The following FOXP1 variants were observed in gnomAD, a reference collection of about 807,000 sequenced individuals.
The protein encoded by FOXP1 is forkhead box P1.
FOXP1 carries 15 observed loss-of-function variants against 98.2 expected under a neutral mutation model. That is an observed-to-expected ratio of 0.15 (90% CI 0.10 to 0.24). The LOEUF is 0.24. Ranked by LOEUF, FOXP1 falls within the 10% of genes least tolerant of loss-of-function variation. The probability of loss-of-function intolerance (pLI) is 1.00; values close to 1 mark genes in which losing one functional copy is unlikely to be tolerated. For synonymous variants in FOXP1, 371 were observed against 314.5 expected, an observed-to-expected ratio of 1.18 and a Z score of -1.90; for missense variants, 633 against 848.5, an observed-to-expected ratio of 0.75 and a Z score of 3.15.
chr3:71,246,286 T>C (rs2067743753), intron 5 of FOXP1, among the ~76,000 whole-genome samples: 1 of 152,102 alleles, frequency 6.6e-6, no homozygotes, highest in South Asian at 2.1e-4. Flanking sequence ...ACAGGGACAG[T>C]GATGCTGCCT....
chr3:71,004,110 T>A (rs2042462158), intron 12 of FOXP1, among the ~76,000 whole-genome samples: 1 of 151,854 alleles, frequency 6.6e-6, no homozygotes, highest in African/African-American at 2.4e-5. Context: ...TTCAGAAAAT[T>A]AAAGCAAAAC....
chr3:71,567,669 C>G (rs1412381647), intron 2 of FOXP1, among the ~76,000 whole-genome samples: 3 of 152,142 alleles, frequency 2.0e-5, no homozygotes, highest in African/African-American at 7.2e-5. Flanking sequence ...TTGGGTCAAC[C>G]ACATCTCTAC....
chr3:70,982,604 T>A lies in FOXP1; in HGVS notation c.1147-4575A>T, dbSNP rs1575851956. On this transcript the variant is annotated intron_variant, in intron 14 of 20. Coordinates refer to ENST00000649528, the MANE Select transcript of FOXP1 (RefSeq NM_001349338.3). ...AAAATTGCTGTAGGGTTTTATTTTT[T>A]AAATTTATTTGTACTCTCAGGCATC... Among the ~76,000 whole-genome samples the A allele has an allele frequency of 2.6e-5, 4 of 152,334 alleles. No individual in the cohort carries two copies. The South Asian group carries it at 8.3e-4, about 32-fold the overall frequency.
chr3:71,382,220 A>G (rs2080237472), intron 3 of FOXP1, among the ~76,000 whole-genome samples: 1 of 152,106 alleles, frequency 6.6e-6, no homozygotes, highest in Non-Finnish European at 1.5e-5. Flanking sequence ...GGCAGCACTG[A>G]GCCATGATGG....
intron 5 of FOXP1, among the ~76,000 whole-genome samples, chr3:71,253,743 A>C (rs1310340508): frequency 6.6e-5 from 10 of 152,216 alleles, no homozygotes; most frequent in Non-Finnish European, 1.5e-5. Context: ...TACAAAGACA[A>C]AGAAAGCTTC....
At chr3:71,340,106 T>G (rs185541904) in intron 4 of FOXP1, among the ~76,000 whole-genome samples, 3 of 152,342 alleles carry the variant, frequency 2.0e-5, no homozygotes, top group Admixed American at 1.3e-4. Context: ...TACCTGTGTG[T>G]GTGCATGGGT....
At chr3:71,056,023 C>T (rs2050585280) in intron 7 of FOXP1, among the ~76,000 whole-genome samples, 2 of 152,038 alleles carry the variant, frequency 1.3e-5, no homozygotes, top group South Asian at 2.1e-4. Flanking sequence ...GCTATAGAAA[C>T]CTTATACTAG....
chr3:71,323,228 G>A (rs2075498714), intron 4 of FOXP1, among the ~76,000 whole-genome samples: 1 of 151,978 alleles, frequency 6.6e-6, no homozygotes, highest in South Asian at 2.1e-4. Context: ...CTCGGCCTTG[G>A]TACATTTTAA....
At chr3:71,373,415 T>G (rs758069133) in intron 3 of FOXP1, among the ~76,000 whole-genome samples, 2 of 152,200 alleles carry the variant, frequency 1.3e-5, no homozygotes, top group Non-Finnish European at 2.9e-5. Context: ...TGACATGAGT[T>G]GTACCTGGCA....
chr3:71,349,922 C>T (rs2077669011), intron 4 of FOXP1, among the ~76,000 whole-genome samples: 2 of 152,108 alleles, frequency 1.3e-5, no homozygotes, highest in South Asian at 4.1e-4. Context: ...TATTCCTTTG[C>T]CCCTAAGAAT....
intron 7 of FOXP1, among the ~76,000 whole-genome samples, chr3:71,055,595 G>A (rs1208165216): frequency 6.6e-6 from 1 of 152,168 alleles, no homozygotes; most frequent in Non-Finnish European, 1.5e-5. Flanking sequence ...GCAAACACCA[G>A]GAAGACATTA....
intron 6 of FOXP1, among the ~76,000 whole-genome samples, chr3:71,162,200 T>C (rs1223240218): frequency 6.6e-6 from 1 of 152,240 alleles, no homozygotes; most frequent in Non-Finnish European, 1.5e-5. Flanking sequence ...GTAGCTCCTC[T>C]GAATTAGAAA....
intron 7 of FOXP1, among the ~76,000 whole-genome samples, chr3:71,055,418 T>C (rs1375354639): frequency 1.3e-5 from 2 of 152,198 alleles, no homozygotes; most frequent in Non-Finnish European, 2.9e-5. Context: ...GCCTTTTAAG[T>C]GTAGATGTAG....
intron 5 of FOXP1, among the ~76,000 whole-genome samples, chr3:71,272,076 A>T (rs2070419027): frequency 6.6e-6 from 1 of 152,234 alleles, no homozygotes. Flanking sequence ...GAGTCTTAAT[A>T]GACAGGTTCT....
chr3:71,216,879 T>A (rs1453872387), intron 5 of FOXP1, among the ~76,000 whole-genome samples: 1 of 152,222 alleles, frequency 6.6e-6, no homozygotes, highest in South Asian at 2.1e-4. Context: ...CCATTTTGGT[T>A]GTCACACCTG....
At chr3:71,071,957 T>C (rs975563021) in intron 7 of FOXP1, among the ~76,000 whole-genome samples, 1 of 152,182 alleles carries the variant, frequency 6.6e-6, no homozygotes, top group African/African-American at 2.4e-5. Context: ...ATGTACCAAG[T>C]GCACATTTTA....
chr3:71,503,231 T>C lies in FOXP1; in HGVS notation c.-297-9676A>G, dbSNP rs1256111408. On this transcript the variant is annotated intron_variant, in intron 2 of 20. Transcript: ENST00000649528. ...CAAATCTGTTTTCTAGAGAGTTCTCTTGGTCTCCATGTTCCAACTAGAAAC... is the reference window on the plus strand; with the variant it reads ...CAAATCTGTTTTCTAGAGAGTTCTCCTGGTCTCCATGTTCCAACTAGAAAC... Among the ~76,000 whole-genome samples, 4 of 152,180 alleles carry C rather than the reference T, an allele frequency of 2.6e-5. No homozygotes were observed. In the East Asian group the frequency reaches 7.7e-4, roughly 29 times the overall value.
At chr3:71,395,288 G>A (rs2081305195) in intron 3 of FOXP1, among the ~76,000 whole-genome samples, 1 of 150,138 alleles carries the variant, frequency 6.7e-6, no homozygotes, top group Non-Finnish European at 1.5e-5. Flanking sequence ...TTGCGACCCT[G>A]GTTTCCAAAG....
chr3:71,182,243 C>T (rs1381269133), intron 6 of FOXP1, among the ~76,000 whole-genome samples: 3 of 151,902 alleles, frequency 2.0e-5, no homozygotes, highest in Admixed American at 6.6e-5. Flanking sequence ...TAAGTGGTAG[C>T]GGAAAACTTA....
Sources: allele counts gnomAD v4.1 joint callset (sites outside exome capture counted in the v4.1 genomes callset), GRCh38; gene constraint gnomAD v4.1.1; transcripts MANE v1.5; gene names NCBI Gene and HGNC (gene_info 2026-07-23, HGNC 2026-07-21).